Variants in GMDS observed in about 807,000 individuals in gnomAD.
GMDS encodes the protein GDP-mannose 4,6-dehydratase, also known as GDP-mannose 4,6 dehydratase.
GMDS carries 20 observed loss-of-function variants against 49.9 expected under a neutral mutation model. The observed-to-expected ratio is 0.40, with a 90% confidence interval of 0.28 to 0.58. The LOEUF (loss-of-function observed/expected upper bound fraction) is 0.58, where lower values mean the gene tolerates loss of function less well. Among genes scored for constraint, GMDS ranks in the 20% least tolerant of loss-of-function variants. The probability of loss-of-function intolerance (pLI) is 0.42; values close to 1 mark genes in which losing one functional copy is unlikely to be tolerated. For synonymous variants in GMDS, 177 were observed against 178.6 expected (o/e 0.99, Z 0.07); for missense variants, 362 against 481.4 (o/e 0.75, Z 2.32).
intron 1 of GMDS, among the ~76,000 whole-genome samples, chr6:2,148,945 C>T (rs1383221680): frequency 6.6e-6 from 1 of 152,172 alleles, no homozygotes; most frequent in East Asian, 1.9e-4. Context: ...CCTAGAGGTA[C>T]AACATGCAGG....
intron 1 of GMDS, among the ~76,000 whole-genome samples, chr6:2,192,491 G>T (rs551599871): frequency 2.6e-5 from 4 of 152,326 alleles, no homozygotes; most frequent in African/African-American, 7.2e-5. Context: ...GGTGAAGAGG[G>T]GAGAACAGCT....
At chr6:2,146,601 C>T (rs908340113) in intron 1 of GMDS, among the ~76,000 whole-genome samples, 4 of 152,300 alleles carry the variant, frequency 2.6e-5, no homozygotes, top group South Asian at 2.1e-4. Flanking sequence ...CCAAATTCCA[C>T]GGCTCACTCA....
chr6:1,843,101 C>T lies in GMDS; in HGVS notation c.771+87002G>A, dbSNP rs1450455377. On this transcript the variant is annotated intron_variant, in intron 7 of 10. Transcript: ENST00000380815. ...CTCCAGCCTGAGCAACAGAGTAAGA[C>T]CCTGCATCAAATAAAATAAAATAAA... Among the ~76,000 whole-genome samples the T allele has an allele frequency of 8.2e-5, 5 of 61,084 alleles. No homozygotes were observed. The East Asian group carries it at 1.8e-3, about 22-fold the overall frequency. 40.1% of individuals were successfully genotyped at this position (61,084 alleles called of 152,430 possible).
intron 9 of GMDS, among the ~76,000 whole-genome samples, chr6:1,687,407 A>T (rs1765013692): frequency 6.6e-6 from 1 of 152,230 alleles, no homozygotes; most frequent in African/African-American, 2.4e-5. Flanking sequence ...GCCTAAGATC[A>T]GACAGGTGGT....
intron 7 of GMDS, among the ~76,000 whole-genome samples, chr6:1,854,359 C>A (rs1392234710): frequency 6.6e-6 from 1 of 152,228 alleles, no homozygotes; most frequent in Non-Finnish European, 1.5e-5. Flanking sequence ...GACTTCAGAA[C>A]TCAGATTTTG....
intron 7 of GMDS, among the ~76,000 whole-genome samples, chr6:1,877,040 G>C (rs1434170919): frequency 6.6e-6 from 1 of 152,168 alleles, no homozygotes; most frequent in African/African-American, 2.4e-5. Flanking sequence ...GGACAGCAGG[G>C]TAAGACTTTT....
chr6:1,919,011 T>C (rs756551613), intron 7 of GMDS, among the ~76,000 whole-genome samples: 8 of 152,202 alleles, frequency 5.3e-5, no homozygotes, highest in Non-Finnish European at 1.0e-4. Flanking sequence ...AAGCATCTTT[T>C]AATAGTAAGA....
intron 4 of GMDS, among the ~76,000 whole-genome samples, chr6:2,062,466 C>T (rs9405542): frequency 0.19 from 28,520 of 151,902 alleles, 2,989 homozygotes; most frequent in Admixed American, 0.22. Context: ...CTGGGACTGA[C>T]GTGGATATTT....
At chr6:1,629,405 C>T (rs753340207) in intron 9 of GMDS, among the ~76,000 whole-genome samples, 13 of 152,120 alleles carry the variant, frequency 8.5e-5, no homozygotes, top group African/African-American at 1.7e-4. Context: ...AAACAGCAGG[C>T]GGTCCTGTCT....
chr6:1,966,372 G>GAAA (rs11377438), intron 4 of GMDS, among the ~76,000 whole-genome samples: 1 of 142,112 alleles, frequency 7.0e-6, no homozygotes. Flanking sequence ...TCAGACTGAT[G>GAAA]AAAAAAAAAA....
chr6:2,174,590 C>T (rs1043353875), intron 1 of GMDS, among the ~76,000 whole-genome samples: 41 of 151,662 alleles, frequency 2.7e-4, no homozygotes, highest in East Asian at 7.8e-4. Context: ...TAAATTGAGA[C>T]GGAGTCTTGC....
chr6:2,034,532 T>C (rs114518199), intron 4 of GMDS, among the ~76,000 whole-genome samples: 310 of 152,292 alleles, frequency 2.0e-3, no homozygotes, highest in African/African-American at 7.4e-3. Flanking sequence ...ATGTTGTACT[T>C]TAAATAGTTG....
intron 1 of GMDS, among the ~76,000 whole-genome samples, chr6:2,174,664 T>C (rs1778185544): frequency 6.6e-6 from 1 of 152,052 alleles, no homozygotes; most frequent in Non-Finnish European, 1.5e-5. Context: ...ACCTCCTGGG[T>C]TCAAGTGATT....
chr6:2,061,433 T>A (rs1771154220), intron 4 of GMDS, among the ~76,000 whole-genome samples: 1 of 152,050 alleles, frequency 6.6e-6, no homozygotes, highest in African/African-American at 2.4e-5. Context: ...AGATCTGAGG[T>A]GGGCCAGGCA....
intron 1 of GMDS, among the ~76,000 whole-genome samples, chr6:2,221,674 C>T (rs1449132016): frequency 6.6e-6 from 1 of 152,188 alleles, no homozygotes; most frequent in Admixed American, 6.5e-5. Context: ...AGGAGTGAGC[C>T]ACCATGCCCG....
At chr6:2,064,965 T>G (rs960573042) in intron 4 of GMDS, among the ~76,000 whole-genome samples, 1 of 152,134 alleles carries the variant, frequency 6.6e-6, no homozygotes, top group African/African-American at 2.4e-5. Context: ...AAAATCAGCA[T>G]GTGGCACAGA....
At chr6:1,718,555 T>C (rs1485286490) in intron 9 of GMDS, among the ~76,000 whole-genome samples, 1 of 152,052 alleles carries the variant, frequency 6.6e-6, no homozygotes, top group Non-Finnish European at 1.5e-5. Context: ...GTTCCGTGAG[T>C]CCCTCATTAC....
intron 1 of GMDS, among the ~76,000 whole-genome samples, chr6:2,178,641 C>G (rs1430451685): frequency 1.3e-5 from 2 of 152,144 alleles, no homozygotes; most frequent in Non-Finnish European, 2.9e-5. Context: ...ACCTGAGTGA[C>G]AGATTCATTC....
chr6:2,148,319 C>T (rs1776676645), intron 1 of GMDS, among the ~76,000 whole-genome samples: 1 of 152,174 alleles, frequency 6.6e-6, no homozygotes. Context: ...CAACATGCAC[C>T]TCCAAGTCGT....
Sources: allele counts gnomAD v4.1 joint callset (sites outside exome capture counted in the v4.1 genomes callset), GRCh38; gene constraint gnomAD v4.1.1; transcripts MANE v1.5; gene names NCBI Gene and HGNC (gene_info 2026-07-23, HGNC 2026-07-21).